Variants in COLEC12 observed in about 807,000 individuals in gnomAD.
The protein encoded by COLEC12 is collectin-12.
A neutral mutation model predicts 71.1 loss-of-function variants in COLEC12; 33 were observed. The ratio of observed to expected loss-of-function variants is 0.46; its 90% CI spans 0.35 to 0.62. COLEC12 has a LOEUF of 0.62. Among genes scored for constraint, COLEC12 ranks in the 20% least tolerant of loss-of-function variants. COLEC12 has a pLI of 0.00. For synonymous variants in COLEC12, 350 were observed against 353.0 expected, an observed-to-expected ratio of 0.99 and a Z score of 0.10; for missense variants, 765 against 916.1, an observed-to-expected ratio of 0.84 and a Z score of 2.13.
intron 2 of COLEC12, among the ~76,000 whole-genome samples, chr18:423,060 C>T (rs1004957172): frequency 1.3e-5 from 2 of 152,108 alleles, no homozygotes; most frequent in African/African-American, 4.8e-5. Context: ...CGTTTGAGGT[C>T]AAGAGTTCAA....
At position 409,844 on chromosome 18, in the gene COLEC12, T is replaced by C. The variant is rs73356571; in HGVS notation, c.59-52322A>G. On this transcript the variant is annotated intron_variant, in intron 2 of 9. Transcript: ENST00000400256. ...ACCTGAAAACTGACATGGAGTTGCA[T>C]GGATTTCCTAGGCACAGATAAGCAC... is the stretch of plus-strand genomic sequence containing the variant. 4.2e-3 allele frequency among the ~76,000 whole-genome samples: 634 copies of C among 152,322 alleles called. 5 individuals are homozygous for C. The highest frequency in any genetic ancestry group is 0.015 in the African/African-American group (612 of 41,568).
rs1434432639 is a variant in COLEC12 at position 408,231 on chromosome 18, T to C, written c.59-50709A>G. Among the ~76,000 whole-genome samples, 1 of 152,136 alleles carries C rather than the reference T, an allele frequency of 6.6e-6. No homozygotes were observed. Among genetic ancestry groups the C allele is most frequent in the Non-Finnish European group, 1.5e-5 (1 of 68,026 alleles). On this transcript the variant is annotated intron_variant, in intron 2 of 9. Coordinates refer to ENST00000400256, the MANE Select transcript of COLEC12 (RefSeq NM_130386.3). This position sits in a 1 kb window ranked among gnomAD's most constrained non-coding sequence, Gnocchi z 4.3. ...TAACCCTAAACTCCAGGTTCCTAAT[T>C]GGGAAACTAGGTACAATGATACCTG... is the stretch of plus-strand genomic sequence containing the variant.
At chr18:433,020 T>C (rs1916335673) in intron 2 of COLEC12, among the ~76,000 whole-genome samples, 1 of 152,198 alleles carries the variant, frequency 6.6e-6, no homozygotes, top group African/African-American at 2.4e-5. Flanking sequence ...TTTTGCACAG[T>C]GTGATGATTG....
At chr18:380,472 T>C (rs1007013979) in intron 2 of COLEC12, among the ~76,000 whole-genome samples, 12 of 102,784 alleles carry the variant, frequency 1.2e-4, no homozygotes, top group Admixed American at 2.3e-4. Context: ...GTCATTGTAA[T>C]AGGGACAAGA....
chr18:373,341 C>T (rs555987365), intron 2 of COLEC12, among the ~76,000 whole-genome samples: 46 of 152,268 alleles, frequency 3.0e-4, no homozygotes, highest in Admixed American at 6.5e-4. Context: ...ACGAGGCTTT[C>T]GATCCTAATG....
intron 1 of COLEC12, among the ~76,000 whole-genome samples, chr18:488,593 C>T (rs1917562011): frequency 6.6e-6 from 1 of 151,970 alleles, no homozygotes; most frequent in Admixed American, 6.6e-5. Flanking sequence ...TGCAGTGGCT[C>T]ACTGGGATCA....
intron 1 of COLEC12, among the ~76,000 whole-genome samples, chr18:487,336 G>A (rs79058511): frequency 0.014 from 2,197 of 152,350 alleles, 26 homozygotes; most frequent in Non-Finnish European, 0.023. Flanking sequence ...GAACTGAGGA[G>A]TGACTGTTAG....
chr18:474,082 G>C (rs1312142887), intron 2 of COLEC12, among the ~76,000 whole-genome samples: 1 of 152,182 alleles, frequency 6.6e-6, no homozygotes, highest in Non-Finnish European at 1.5e-5. Flanking sequence ...ATTTAGTGCA[G>C]GATCATTTAT....
intron 5 of COLEC12, among the ~76,000 whole-genome samples, chr18:342,063 C>CT (rs1914265551): frequency 2.0e-5 from 3 of 151,822 alleles, no homozygotes; most frequent in Admixed American, 6.6e-5. Context: ...TTTCTTTTTT[C>CT]TTTTTTTTCT....
At chr18:445,167 A>C (rs1321668600) in intron 2 of COLEC12, among the ~76,000 whole-genome samples, 1 of 152,222 alleles carries the variant, frequency 6.6e-6, no homozygotes, top group Admixed American at 6.5e-5. Context: ...ACTGACTGAA[A>C]TGTGGGCCAG....
chr18:432,149 A>G (rs1430245963), intron 2 of COLEC12, among the ~76,000 whole-genome samples: 6 of 152,196 alleles, frequency 3.9e-5, no homozygotes, highest in Non-Finnish European at 8.8e-5. Context: ...GTGAACCTGG[A>G]CTTGATTATG....
chr18:344,334 T>C (rs1914325622), intron 5 of COLEC12, among the ~76,000 whole-genome samples: 1 of 152,192 alleles, frequency 6.6e-6, no homozygotes, highest in East Asian at 1.9e-4. Flanking sequence ...ACTAGTCTTG[T>C]TTCACCCAGT....
intron 5 of COLEC12, among the ~76,000 whole-genome samples, chr18:344,962 C>T (rs923597543): frequency 7.9e-5 from 12 of 152,236 alleles, no homozygotes; most frequent in Non-Finnish European, 1.2e-4. Flanking sequence ...ATCTGCTATC[C>T]GGATCTGCCT....
chr18:387,534 A>G (rs2143579040), intron 2 of COLEC12, among the ~76,000 whole-genome samples: 1 of 152,208 alleles, frequency 6.6e-6, no homozygotes, highest in East Asian at 1.9e-4. Flanking sequence ...AATTTCCACC[A>G]GTAAAATATG....
At chr18:464,301 A>G (rs1210787680) in intron 2 of COLEC12, among the ~76,000 whole-genome samples, 1 of 152,186 alleles carries the variant, frequency 6.6e-6, no homozygotes, top group Non-Finnish European at 1.5e-5. Flanking sequence ...TAATAAACAC[A>G]GCATCTCGCG....
intron 2 of COLEC12, among the ~76,000 whole-genome samples, chr18:426,312 T>C (rs4797145): frequency 0.18 from 27,794 of 152,192 alleles, 2,834 homozygotes; most frequent in Middle Eastern, 0.24. Flanking sequence ...AATGGAAAAC[T>C]AGGCATTGCC....
At chr18:427,563 G>A (rs1266475875) in intron 2 of COLEC12, among the ~76,000 whole-genome samples, 1 of 151,290 alleles carries the variant, frequency 6.6e-6, no homozygotes, top group East Asian at 1.9e-4. Flanking sequence ...GTTCAGAGAT[G>A]CAGCCCTCTT....
At chr18:343,344 A>C (rs639124) in intron 5 of COLEC12, among the ~76,000 whole-genome samples, 1 of 151,774 alleles carries the variant, frequency 6.6e-6, no homozygotes, top group African/African-American at 2.4e-5. Flanking sequence ...GGGACCTCCT[A>C]AAGCTGGGGT....
chr18:448,246 C>A (rs1916691231), intron 2 of COLEC12, among the ~76,000 whole-genome samples: 1 of 152,150 alleles, frequency 6.6e-6, no homozygotes, highest in East Asian at 1.9e-4. Context: ...CAAAATGAAT[C>A]AGGGTGGTTG....
Sources: gnomAD v4.1 joint callset for allele counts (sites outside exome capture counted in the v4.1 genomes callset) on GRCh38, gnomAD v4.1.1 for gene constraint, Gnocchi (gnomAD v3.1) non-coding constraint, MANE v1.5 for transcripts, NCBI Gene and HGNC (gene_info 2026-07-23, HGNC 2026-07-21) for gene names.